ST6GALNAC3: variants seen among roughly 807,000 people sequenced by gnomAD.
ST6GALNAC3 encodes the protein ST6 N-acetylgalactosaminide alpha-2,6-sialyltransferase 3, also known as alpha-N-acetylgalactosaminide alpha-2,6-sialyltransferase 3.
In ST6GALNAC3, 25 loss-of-function variants were observed where a neutral mutation model predicts 32.7. That is an observed-to-expected ratio of 0.76 (90% CI 0.56 to 1.07). The LOEUF is 1.07. Among genes scored for constraint, ST6GALNAC3 ranks in the 50% least tolerant of loss-of-function variants. The pLI, the probability that ST6GALNAC3 is intolerant of heterozygous loss-of-function variation, is 0.00. For missense variants in ST6GALNAC3, 355 were observed against 382.4 expected (o/e 0.93, Z 0.60); for synonymous variants, 129 against 133.1 (o/e 0.97, Z 0.21).
chr1:76,236,092 C>T (rs1036030993), intron 1 of ST6GALNAC3, among the ~76,000 whole-genome samples: 3 of 151,910 alleles, frequency 2.0e-5, no homozygotes, highest in Non-Finnish European at 4.4e-5. Context: ...TCTCTTGCCT[C>T]AGCCACCATG....
chr1:76,172,128 A>G (rs547474767), intron 1 of ST6GALNAC3, among the ~76,000 whole-genome samples: 1 of 152,336 alleles, frequency 6.6e-6, no homozygotes, highest in South Asian at 2.1e-4. Flanking sequence ...ATAAAAAAAA[A>G]ACTTATCCAC....
chr1:76,438,171 A>T (rs1656291819), intron 3 of ST6GALNAC3, among the ~76,000 whole-genome samples: 3 of 149,520 alleles, frequency 2.0e-5, no homozygotes. Flanking sequence ...TTTTTCAGTG[A>T]GACAGAGTCT....
chr1:76,492,759 G>A (rs1362387433), intron 3 of ST6GALNAC3, among the ~76,000 whole-genome samples: 1 of 152,150 alleles, frequency 6.6e-6, no homozygotes, highest in Non-Finnish European at 1.5e-5. Context: ...AAAGGAAGGA[G>A]AACAGGGTTA....
chr1:76,390,789 G>A (rs1258737054), intron 2 of ST6GALNAC3, among the ~76,000 whole-genome samples: 1 of 151,834 alleles, frequency 6.6e-6, no homozygotes, highest in East Asian at 1.9e-4. Flanking sequence ...GACAAGAAGA[G>A]GTTGAACCTG....
In ST6GALNAC3 at chr1:76,456,716, G is replaced by A. The variant is rs1657832186; in HGVS notation, c.623+44299G>A. On this transcript the variant is annotated intron_variant, in intron 3 of 4. Coordinates refer to ENST00000328299, the MANE Select transcript of ST6GALNAC3 (RefSeq NM_152996.4). ...TGAGACGTATCTCAAAATAATAAGA[G>A]CTATCTGTGACAAACCCACAGCCAA... 3.3e-5 allele frequency among the ~76,000 whole-genome samples: 5 copies of A among 152,004 alleles called. No individual in the cohort carries two copies. The South Asian group carries it at 1.0e-3, about 32-fold the overall frequency.
intron 3 of ST6GALNAC3, among the ~76,000 whole-genome samples, chr1:76,551,190 T>C (rs2100361797): frequency 6.6e-6 from 1 of 152,286 alleles, no homozygotes; most frequent in Middle Eastern, 3.4e-3. Flanking sequence ...CCTTTCTTCT[T>C]CTCCAAAATG....
At chr1:76,119,466 G>T (rs1430872506) in intron 1 of ST6GALNAC3, among the ~76,000 whole-genome samples, 1 of 152,180 alleles carries the variant, frequency 6.6e-6, no homozygotes, top group Non-Finnish European at 1.5e-5. Flanking sequence ...CCAAACCTAA[G>T]TTCACATAAC....
At chr1:76,344,299 A>G (rs1648311209) in intron 2 of ST6GALNAC3, among the ~76,000 whole-genome samples, 1 of 152,144 alleles carries the variant, frequency 6.6e-6, no homozygotes. Flanking sequence ...GTGTTTACAA[A>G]AGGAGATTTT....
chr1:76,630,166 A>G lies in ST6GALNAC3; in HGVS notation c.*1360A>G, dbSNP rs983136112. On this transcript the variant is annotated 3_prime_UTR_variant, in exon 5 of 5. Coordinates refer to ENST00000328299, the MANE Select transcript of ST6GALNAC3 (RefSeq NM_152996.4). ...ATTCCAGATTGCTCTACTTGCTAATATTTGTATAGAATAGAATTTATGTAA... is the reference window on the plus strand; with the variant it reads ...ATTCCAGATTGCTCTACTTGCTAATGTTTGTATAGAATAGAATTTATGTAA... The G allele has an allele frequency of 5.1e-6, 5 of 985,096 alleles. No homozygotes were observed. The African/African-American group carries it at 8.7e-5, about 17-fold the overall frequency. 61.0% of individuals were successfully genotyped at this position (985,096 alleles called of 1,614,324 possible).
chr1:76,169,857 C>T (rs1570288521), intron 1 of ST6GALNAC3, among the ~76,000 whole-genome samples: 1 of 152,108 alleles, frequency 6.6e-6, no homozygotes, highest in Non-Finnish European at 1.5e-5. Flanking sequence ...TGTCTGTCAG[C>T]TCCTGCATTA....
chr1:76,567,290 G>A (rs1225947420), intron 3 of ST6GALNAC3, among the ~76,000 whole-genome samples: 1 of 152,022 alleles, frequency 6.6e-6, no homozygotes, highest in Admixed American at 6.6e-5. Flanking sequence ...ATGCAAGCTG[G>A]TATAGGCTCT....
At chr1:76,225,485 A>T (rs1470106101) in intron 1 of ST6GALNAC3, among the ~76,000 whole-genome samples, 3 of 152,092 alleles carry the variant, frequency 2.0e-5, no homozygotes, top group Non-Finnish European at 2.9e-5. Flanking sequence ...AGGAAAACAA[A>T]CCCATTAAAG....
chr1:76,297,487 G>A (rs539984829), intron 1 of ST6GALNAC3, among the ~76,000 whole-genome samples: 1 of 151,990 alleles, frequency 6.6e-6, no homozygotes, highest in East Asian at 1.9e-4. Context: ...CCTTATTTAG[G>A]ATATAGAAGG....
intron 3 of ST6GALNAC3, among the ~76,000 whole-genome samples, chr1:76,454,653 T>C (rs1450100123): frequency 8.5e-5 from 13 of 152,190 alleles, no homozygotes; most frequent in Admixed American, 8.5e-4. Context: ...AGAAATCTGT[T>C]GTTAATCTGA....
chr1:76,521,531 A>T (rs1419813664), intron 3 of ST6GALNAC3, among the ~76,000 whole-genome samples: 1 of 151,962 alleles, frequency 6.6e-6, no homozygotes. Context: ...ATATTCACTT[A>T]TGTTTACCCA....
At chr1:76,172,082 C>T (rs1019139870) in intron 1 of ST6GALNAC3, among the ~76,000 whole-genome samples, 13 of 150,952 alleles carry the variant, frequency 8.6e-5, no homozygotes, top group African/African-American at 3.2e-4. Flanking sequence ...TACAAAAACC[C>T]TCCATAAAAT....
At position 76,166,117 on chromosome 1, in the gene ST6GALNAC3, T is replaced by C. The variant is rs937428915; in HGVS notation, c.18+91233T>C. Among the ~76,000 whole-genome samples, 8 of 151,456 alleles carry C rather than the reference T, an allele frequency of 5.3e-5. 1 individual carries two copies. Among genetic ancestry groups the C allele is most frequent in the African/African-American group, 1.2e-4 (5 of 41,384 alleles). On this transcript the variant is annotated intron_variant, in intron 1 of 4. Transcript: ENST00000328299. ...TATGGCCAGAATGGTGTTGCCTAAG[T>C]TGGAGTTTTTCTAGTTTTGGGTTTT...
At chr1:76,510,769 C>CT (rs1661806278) in intron 3 of ST6GALNAC3, among the ~76,000 whole-genome samples, 1 of 152,134 alleles carries the variant, frequency 6.6e-6, no homozygotes, top group Non-Finnish European at 1.5e-5. Flanking sequence ...GCTCAGAACA[C>CT]TTAAATTAGC....
chr1:76,276,086 A>T (rs1194914253), intron 1 of ST6GALNAC3, among the ~76,000 whole-genome samples: 1 of 152,172 alleles, frequency 6.6e-6, no homozygotes, highest in Non-Finnish European at 1.5e-5. Flanking sequence ...AGAATGTTAA[A>T]CAATCCTTCT....
Sources: allele counts gnomAD v4.1 joint callset (sites outside exome capture counted in the v4.1 genomes callset), GRCh38; gene constraint gnomAD v4.1.1; transcripts MANE v1.5; gene names NCBI Gene and HGNC (gene_info 2026-07-23, HGNC 2026-07-21).